BIRC6: variants seen among roughly 807,000 people sequenced by gnomAD.
The protein encoded by BIRC6 is baculoviral IAP repeat containing 6, also known as dual E2 ubiquitin-conjugating enzyme/E3 ubiquitin-protein ligase BIRC6.
In BIRC6, 98 loss-of-function variants were observed where a neutral mutation model predicts 503.3. That is an observed-to-expected ratio of 0.19 (90% CI 0.17 to 0.23). The LOEUF (loss-of-function observed/expected upper bound fraction) is 0.23, where lower values mean the gene tolerates loss of function less well. Among genes scored for constraint, BIRC6 ranks in the 10% least tolerant of loss-of-function variants. BIRC6 has a pLI of 1.00. For synonymous variants in BIRC6, 2,240 were observed against 2,078.7 expected (o/e 1.08, Z -2.11); for missense variants, 5,360 against 5,806.0 (o/e 0.92, Z 2.50).
intron 65 of BIRC6, among the ~76,000 whole-genome samples, chr2:32,562,047 A>G (rs549647574): frequency 2.6e-5 from 4 of 152,254 alleles, no homozygotes; most frequent in African/African-American, 7.2e-5. Flanking sequence ...AACTTAAAAA[A>G]AAATAAAATT....
intron 5 of BIRC6, among the ~76,000 whole-genome samples, chr2:32,392,374 C>A (rs1233092136): frequency 1.3e-5 from 2 of 152,084 alleles, no homozygotes; most frequent in Non-Finnish European, 1.5e-5. Flanking sequence ...TGTGCCTCAG[C>A]CTCCTTGAGT....
intron 63 of BIRC6, among the ~76,000 whole-genome samples, chr2:32,546,205 C>T (rs141331619): frequency 6.6e-6 from 1 of 151,946 alleles, no homozygotes; most frequent in African/African-American, 2.4e-5. Flanking sequence ...GGGGATCTAG[C>T]CAGTGCAATA....
At position 32,595,077 on chromosome 2, in the gene BIRC6, C is replaced by T. The variant is rs758214552; in HGVS notation, c.13545C>T (p.Pro4515=). 6.2e-7 allele frequency: 1 copy of T among 1,602,324 alleles called. No individual in the cohort carries two copies. The highest frequency in any genetic ancestry group is 1.1e-5 in the South Asian group (1 of 87,646). ...ACTCCAAGAAGGCGGCTATGAAACC[C>T]AAACCTTTGTCAGTATTAAAGTCAC... ...GEYSKKAAMK[P]KPLSVLKSLE... is the part of the protein sequence containing the mutation. The change falls in exon 68 of 74, where the codon CCC becomes CCT. Residue 4515 remains proline (P), a synonymous_variant. Transcript: ENST00000421745.
chr2:32,570,423 A>G (rs376487659), intron 65 of BIRC6, among the ~76,000 whole-genome samples: 9 of 149,996 alleles, frequency 6.0e-5, no homozygotes, highest in African/African-American at 2.0e-4. Context: ...GCCTCAAGCA[A>G]TTCACTCACC....
intron 15 of BIRC6, among the ~76,000 whole-genome samples, chr2:32,437,570 T>A (rs888719674): frequency 5.9e-5 from 9 of 152,208 alleles, no homozygotes; most frequent in Non-Finnish European, 1.2e-4. Flanking sequence ...TTATCTGAAA[T>A]GCTTGGGACC....
rs2052905952 is a variant in BIRC6, at chr2:32,499,548, G to A, written c.8470G>A (p.Gly2824Ser). Residue 2824 changes from glycine to serine, a missense_variant and splice_region_variant, in exon 46 of 74, where the codon GGT (glycine) becomes AGT (serine). By Grantham distance (56) the Gly-to-Ser change is moderately conservative. This residue lies in a region of BIRC6 where 2,299 missense variants were observed against 2,267.2 expected (regional missense o/e 1.01). Coordinates refer to ENST00000421745, the MANE Select transcript of BIRC6 (RefSeq NM_016252.4). ...GTCTCTCTCTCTCTCTCTCTGCAGG[G>A]GTGCTTTCCAGACAGGCCAAGGACC... ...KLIHILSTER[G>S]AFQTGQGPLD... is the part of the protein sequence containing the mutation. 1 of 1,594,896 alleles carries A rather than the reference G, an allele frequency of 6.3e-7. No homozygotes were observed. Among genetic ancestry groups the A allele is most frequent in the Non-Finnish European group, 8.5e-7 (1 of 1,170,736 alleles).
At chr2:32,426,698 A>T (rs559532638) in intron 10 of BIRC6, among the ~76,000 whole-genome samples, 1 of 152,232 alleles carries the variant, frequency 6.6e-6, no homozygotes, top group Non-Finnish European at 1.5e-5. Context: ...TGAGAAAAAC[A>T]TTTATTTATT....
At chr2:32,464,474 T>A in intron 24 of BIRC6, 35 bp from the exon 25 acceptor site, 3 of 1,515,190 alleles carry the variant, frequency 2.0e-6, no homozygotes, top group Non-Finnish European at 2.7e-6. Flanking sequence ...GTAGGCAGGA[T>A]TAGTCTATAT....
At chr2:32,553,867 A>G (rs1348953838) in intron 65 of BIRC6, among the ~76,000 whole-genome samples, 2 of 152,230 alleles carry the variant, frequency 1.3e-5, no homozygotes, top group Non-Finnish European at 2.9e-5. Context: ...TACTAAAATA[A>G]AGACATCTGT....
intron 67 of BIRC6, 140 bp downstream of exon 67, chr2:32,594,200 T>C (rs909020922): frequency 2.3e-6 from 2 of 888,794 alleles, no homozygotes; most frequent in Admixed American, 3.2e-5. Context: ...TGTTCTCTGT[T>C]AGATTTTGTT....
rs2033396580 is a variant in BIRC6 at position 32,357,989 on chromosome 2, C to CT, written c.325+503_325+504insT. Among the ~76,000 whole-genome samples the CT allele has an allele frequency of 5.3e-3, 1 of 190 alleles. No individual in the cohort carries two copies. The highest frequency in any genetic ancestry group is 0.011 in the Non-Finnish European group (1 of 88). 0.1% of individuals were successfully genotyped at this position (190 alleles called of 152,430 possible). On this transcript the variant is annotated intron_variant, in intron 1 of 73. Coordinates refer to ENST00000421745, the MANE Select transcript of BIRC6 (RefSeq NM_016252.4). The surrounding 1 kb of genome is among the most constrained non-coding windows in gnomAD (Gnocchi z 4.9). ...GGCAGTCTGCTGTTCTCAGGTCCCG[C>CT]AGTGCGGGGGACAGACCGCGGGCTG...
At chr2:32,406,347 T>G (rs1368051438) in intron 8 of BIRC6, among the ~76,000 whole-genome samples, 152 bp from the exon 9 acceptor site, 1 of 152,108 alleles carries the variant, frequency 6.6e-6, no homozygotes, top group Non-Finnish European at 1.5e-5. Flanking sequence ...TGCAGTGAGC[T>G]GTGTTCCTGC....
At position 32,485,617 on chromosome 2, in the gene BIRC6, C is replaced by G. The variant is rs371968586; in HGVS notation, c.7697-26C>G. On this transcript the variant is annotated intron_variant, in intron 39 of 73. Transcript: ENST00000421745. ...CATGAGTAATAATTGTCAATGTTTT[C>G]TTTTTCTTTCAATTGCTTTTTGTAG... is the stretch of plus-strand genomic sequence containing the variant. 21 of 1,484,858 alleles carry G rather than the reference C, an allele frequency of 1.4e-5. No homozygotes were observed. In the African/African-American group the frequency reaches 2.5e-4, roughly 18 times the overall value. The allele number at this position is 1,484,858 out of a possible 1,614,324, so 92.0% of individuals were successfully genotyped here. A position where few individuals can be genotyped will look rare whatever the true frequency, so the allele number is the denominator to read the frequency against.
At chr2:32,471,561 T>A (rs2049101769) in intron 32 of BIRC6, among the ~76,000 whole-genome samples, 1 of 152,208 alleles carries the variant, frequency 6.6e-6, no homozygotes, top group Admixed American at 6.5e-5. Flanking sequence ...TTCTCAGATT[T>A]TGAGTTGTAA....
At chr2:32,616,560 CAAA>C (rs201587938) in intron 73 of BIRC6, among the ~76,000 whole-genome samples, 6 of 99,120 alleles carry the variant, frequency 6.1e-5, no homozygotes, top group Admixed American at 2.3e-4. Context: ...ACCTTGTTCT[CAAA>C]AAAAAAAAAA....
At chr2:32,569,044 C>G (rs1487383933) in intron 65 of BIRC6, among the ~76,000 whole-genome samples, 1 of 145,176 alleles carries the variant, frequency 6.9e-6, no homozygotes, top group Non-Finnish European at 1.5e-5. Flanking sequence ...AGTGCAAGTG[C>G]AGTGGTGCGA....
At chr2:32,384,419 A>G (rs1473426844) in intron 3 of BIRC6, among the ~76,000 whole-genome samples, 1 of 151,976 alleles carries the variant, frequency 6.6e-6, no homozygotes, top group Non-Finnish European at 1.5e-5. Context: ...TCTTGATCAG[A>G]AGCAAAGTTT....
At chr2:32,555,236 G>A (rs1311510964) in intron 65 of BIRC6, among the ~76,000 whole-genome samples, 3 of 152,128 alleles carry the variant, frequency 2.0e-5, no homozygotes, top group Non-Finnish European at 2.9e-5. Context: ...TCTGGGAGCT[G>A]TGGTGGTGGT....
chr2:32,389,624 G>A (rs1184236283), intron 4 of BIRC6, among the ~76,000 whole-genome samples: 1 of 152,180 alleles, frequency 6.6e-6, no homozygotes, highest in African/African-American at 2.4e-5. Flanking sequence ...AAGTACCAAG[G>A]TTTAGAAATG....
Sources: allele counts gnomAD v4.1 joint callset (sites outside exome capture counted in the v4.1 genomes callset), GRCh38; gene constraint gnomAD v4.1.1; regional missense constraint gnomAD v4.1.1; non-coding constraint Gnocchi (gnomAD v3.1); transcripts MANE v1.5; gene names NCBI Gene and HGNC (gene_info 2026-07-23, HGNC 2026-07-21).